EVL: variants seen among roughly 807,000 people sequenced by gnomAD.
EVL encodes Enah/Vasp-like.
EVL carries 21 observed loss-of-function variants against 59.6 expected under a neutral mutation model. The observed-to-expected ratio is 0.35, with a 90% CI of 0.25 to 0.51. The LOEUF (loss-of-function observed/expected upper bound fraction) is 0.51. EVL is among the 20% of genes least tolerant of loss of function. The pLI, the probability that EVL is intolerant of heterozygous loss-of-function variation, is 0.97. For missense variants in EVL, 462 were observed against 546.6 expected (o/e 0.85, Z 1.54); for synonymous variants, 198 against 203.5 (o/e 0.97, Z 0.23).
intron 3 of EVL, among the ~76,000 whole-genome samples, chr14:100,102,981 A>C (rs1886320766): frequency 6.6e-6 from 1 of 151,912 alleles, no homozygotes; most frequent in African/African-American, 2.4e-5. Flanking sequence ...GTGCACCTCT[A>C]GTCCCAGCTA....
At chr14:99,980,940 T>A (rs983316054) in intron 1 of EVL, among the ~76,000 whole-genome samples, 1 of 152,182 alleles carries the variant, frequency 6.6e-6, no homozygotes, top group Non-Finnish European at 1.5e-5. Context: ...CTTAGTTTTA[T>A]AGTTGTGTAT....
At chr14:100,052,075 C>A (rs190591364) in intron 1 of EVL, among the ~76,000 whole-genome samples, 2 of 152,256 alleles carry the variant, frequency 1.3e-5, no homozygotes, top group East Asian at 3.9e-4. Flanking sequence ...AAGGGCAGGT[C>A]TTTTTTCTTC....
intron 1 of EVL, among the ~76,000 whole-genome samples, chr14:99,975,922 A>C (rs75907442): frequency 0.019 from 2,947 of 151,778 alleles, 95 homozygotes; most frequent in African/African-American, 0.067. Flanking sequence ...TCTCCTTCTC[A>C]CTGTCTGTCT....
At chr14:100,090,211 T>C (rs2062535942) in intron 2 of EVL, among the ~76,000 whole-genome samples, 1 of 152,092 alleles carries the variant, frequency 6.6e-6, no homozygotes, top group African/African-American at 2.4e-5. Context: ...TAAACCTTTA[T>C]TGAGAGTGAG....
At chr14:100,086,164 A>G (rs1388063971) in intron 2 of EVL, among the ~76,000 whole-genome samples, 1 of 152,202 alleles carries the variant, frequency 6.6e-6, no homozygotes, top group African/African-American at 2.4e-5. Flanking sequence ...TGGTACCTCC[A>G]AAAGCATCCC....
chr14:100,052,647 G>A (rs2061665136), intron 1 of EVL, among the ~76,000 whole-genome samples: 1 of 151,984 alleles, frequency 6.6e-6, no homozygotes, highest in Admixed American at 6.6e-5. Context: ...CAGCTACTTG[G>A]GAGGCTGAGG....
At chr14:100,096,065 G>A (rs1409410058) in intron 2 of EVL, among the ~76,000 whole-genome samples, 1 of 152,112 alleles carries the variant, frequency 6.6e-6, no homozygotes, top group South Asian at 2.1e-4. Flanking sequence ...TGTACTGTGT[G>A]TGTGTCCCCT....
chr14:100,008,807 A>G (rs976678176), intron 1 of EVL, among the ~76,000 whole-genome samples: 14 of 152,182 alleles, frequency 9.2e-5, no homozygotes, highest in African/African-American at 3.4e-4. Flanking sequence ...CCATGGTTGT[A>G]TGTTGGGTGT....
intron 1 of EVL, among the ~76,000 whole-genome samples, chr14:100,001,108 C>A (rs181528330): frequency 2.6e-5 from 4 of 152,068 alleles, no homozygotes; most frequent in African/African-American, 9.7e-5. Flanking sequence ...ATAGAGGCCA[C>A]GTTACTCTGA....
chr14:100,086,920 T>G (rs2140304743), intron 2 of EVL, among the ~76,000 whole-genome samples: 1 of 152,210 alleles, frequency 6.6e-6, no homozygotes, highest in African/African-American at 2.4e-5. Flanking sequence ...TTAGAGAAAA[T>G]GGCAGGAAAT....
At chr14:100,125,364 G>T (rs571442152) in intron 4 of EVL, among the ~76,000 whole-genome samples, 2 of 151,926 alleles carry the variant, frequency 1.3e-5, no homozygotes, top group African/African-American at 2.4e-5. Flanking sequence ...ACTCAGTGAC[G>T]CAGAGACTCC....
At chr14:100,065,383 G>T, upstream of EVL, 1 of 1,150,882 alleles carries the variant, frequency 8.7e-7, no homozygotes, top group Non-Finnish European at 1.1e-6. Context: ...TTGGTTTTAA[G>T]TAGGCTATAA....
chr14:99,979,042 C>A (rs2060789067), intron 1 of EVL, among the ~76,000 whole-genome samples: 1 of 152,082 alleles, frequency 6.6e-6, no homozygotes, highest in South Asian at 2.1e-4. Context: ...TTCTAACAGA[C>A]TCTATGTATT....
chr14:100,130,406 G>T lies in EVL; in HGVS notation c.839+722G>T, dbSNP rs973760559. Among the ~76,000 whole-genome samples the T allele has an allele frequency of 1.3e-5, 2 of 152,176 alleles. No individual in the cohort carries two copies. Among genetic ancestry groups the T allele is most frequent in the East Asian group, 3.8e-4 (2 of 5,198 alleles). The stretch of plus-strand genomic sequence containing the variant: ...TGGCATCAGGAATGTGCTCACCTTG[G>T]ACTACCAATATCGTGGCTCACTTAG... On this transcript the variant is annotated intron_variant, in intron 7 of 13. Transcript: ENST00000392920. This position sits in a 1 kb window ranked among gnomAD's most constrained non-coding sequence, Gnocchi z 4.8.
intron 12 of EVL, 131 bp from the exon 13 acceptor site, chr14:100,141,602 CGAG>C: frequency 1.3e-6 from 1 of 777,226 alleles, no homozygotes; most frequent in Non-Finnish European, 2.0e-6. Context: ...AAGGGGGCCA[CGAG>C]GAGACAAGGG....
intron 1 of EVL, among the ~76,000 whole-genome samples, chr14:99,974,104 T>C (rs2060753738): frequency 1.3e-5 from 2 of 152,354 alleles, no homozygotes; most frequent in South Asian, 4.1e-4. Context: ...GTAAGTTTTA[T>C]TGAGATATAA....
intron 1 of EVL, among the ~76,000 whole-genome samples, chr14:100,031,738 TCA>T (rs1366756083): frequency 2.0e-5 from 3 of 152,236 alleles, no homozygotes; most frequent in Admixed American, 6.5e-5. Context: ...CAGGGTTGAC[TCA>T]CACTGCATTC....
At chr14:100,016,769 A>T (rs1361986527) in intron 1 of EVL, among the ~76,000 whole-genome samples, 1 of 152,178 alleles carries the variant, frequency 6.6e-6, no homozygotes, top group Non-Finnish European at 1.5e-5. Context: ...TTTGAAGCAG[A>T]CTTGGTTCCC....
intron 2 of EVL, among the ~76,000 whole-genome samples, chr14:100,087,634 G>C (rs1237040340): frequency 6.6e-6 from 1 of 152,100 alleles, no homozygotes; most frequent in Non-Finnish European, 1.5e-5. Flanking sequence ...AACAAAAAAT[G>C]TTAGTGAGTT....
Sources: gnomAD v4.1 joint callset for allele counts (sites outside exome capture counted in the v4.1 genomes callset) on GRCh38, gnomAD v4.1.1 for gene constraint, Gnocchi (gnomAD v3.1) non-coding constraint, MANE v1.5 for transcripts, NCBI Gene and HGNC (gene_info 2026-07-23, HGNC 2026-07-21) for gene names.